The following DUS2 variants were observed in gnomAD, a reference collection of about 807,000 sequenced individuals.
The protein encoded by DUS2 is dihydrouridine synthase 2.
DUS2 carries 52 observed loss-of-function variants against 71.3 expected under a neutral mutation model. The observed-to-expected ratio is 0.73, with a 90% CI of 0.58 to 0.92. The LOEUF (loss-of-function observed/expected upper bound fraction) is 0.92. Among genes scored for constraint, DUS2 ranks in the 40% least tolerant of loss-of-function variants. DUS2 has a pLI of 0.00. For missense variants in DUS2, 558 were observed against 622.6 expected (o/e 0.90, Z 1.10); for synonymous variants, 204 against 227.8 (o/e 0.90, Z 0.94).
chr16:68,050,166 C>T (rs1414082540), intron 4 of DUS2, among the ~76,000 whole-genome samples: 1 of 151,496 alleles, frequency 6.6e-6, no homozygotes, highest in Non-Finnish European at 1.5e-5. Context: ...GAGACGGAAT[C>T]TCCCTCTGTT....
intron 4 of DUS2, among the ~76,000 whole-genome samples, chr16:68,052,945 G>A (rs948047238): frequency 1.3e-5 from 2 of 149,498 alleles, no homozygotes; most frequent in African/African-American, 5.0e-5. Flanking sequence ...GCCCGGCTAT[G>A]TATGTACATT....
rs770817287 is a variant in DUS2, at chr16:68,076,636, G to C, written c.1087G>C (p.Ala363Pro). ...IKMAVKFDRR[A>P]YPAQITPKMC... ...TGCTTCCCTTCCTTTCCCCAGGAGA[G>C]CATACCCAGCCCAGATCACCCCTAA... is the stretch of plus-strand genomic sequence containing the variant. Residue 363 changes from alanine to proline, a missense_variant, in exon 15 of 17, where the codon GCA becomes CCA. Physicochemically the swap from Ala to Pro is conservative, Grantham distance 27 (BLOSUM62 -1). Transcript: ENST00000565263. 6.2e-7 allele frequency: 1 copy of C among 1,613,744 alleles called. No homozygotes were observed. Among genetic ancestry groups the C allele is most frequent in the South Asian group, 1.1e-5 (1 of 91,064 alleles).
At chr16:68,055,656 T>C (rs1378448562) in intron 6 of DUS2, among the ~76,000 whole-genome samples, 2 of 152,024 alleles carry the variant, frequency 1.3e-5, no homozygotes, top group East Asian at 3.9e-4. Flanking sequence ...AATGAAATAA[T>C]GCCTGTAAAT....
chr16:68,037,121 G>GT (rs1260673977), intron 2 of DUS2, among the ~76,000 whole-genome samples: 1 of 148,496 alleles, frequency 6.7e-6, no homozygotes, highest in Non-Finnish European at 1.5e-5. Flanking sequence ...AGGTATCTGA[G>GT]TAAAAAAAAA....
intron 4 of DUS2, among the ~76,000 whole-genome samples, chr16:68,051,001 C>T (rs548022907): frequency 6.6e-6 from 1 of 152,320 alleles, no homozygotes; most frequent in African/African-American, 2.4e-5. Flanking sequence ...TAAAAACCTT[C>T]TCATCTGTTT....
At chr16:68,071,201 T>C in intron 12 of DUS2, 93 bp downstream of exon 12, 1 of 1,379,532 alleles carries the variant, frequency 7.2e-7, no homozygotes, top group African/African-American at 1.4e-5. Flanking sequence ...CTGCCAGCTG[T>C]GCTTGCTGTT....
intron 8 of DUS2, among the ~76,000 whole-genome samples, chr16:68,061,843 A>G (rs1204728595): frequency 2.6e-5 from 4 of 152,138 alleles, no homozygotes; most frequent in Non-Finnish European, 4.4e-5. Flanking sequence ...AGCTGCCATC[A>G]TTGCCAATGA....
intron 5 of DUS2, 141 bp downstream of exon 5, chr16:68,053,796 T>G: frequency 1.3e-6 from 1 of 790,526 alleles, no homozygotes; most frequent in Non-Finnish European, 2.0e-6. Context: ...GCTTTAATGT[T>G]TTCCAAAGAG....
At chr16:68,028,892 G>A (rs1177381092) in intron 2 of DUS2, among the ~76,000 whole-genome samples, 2 of 152,124 alleles carry the variant, frequency 1.3e-5, no homozygotes, top group African/African-American at 4.8e-5. Flanking sequence ...CCAGAGCTCA[G>A]GATCTTAACT....
intron 13 of DUS2, 96 bp from the exon 14 acceptor site, chr16:68,075,259 A>G (rs1173741055): frequency 1.6e-6 from 2 of 1,246,852 alleles, no homozygotes; most frequent in Non-Finnish European, 2.2e-6. Flanking sequence ...TGTATGTGGT[A>G]GAGGAGTTTC....
intron 3 of DUS2, among the ~76,000 whole-genome samples, chr16:68,045,000 T>C (rs778797075): frequency 4.2e-4 from 63 of 151,356 alleles, no homozygotes; most frequent in Non-Finnish European, 8.4e-4. Flanking sequence ...ACCATGTTGG[T>C]CAGGCTGGTC....
chr16:68,037,935 G>A (rs943583606), intron 2 of DUS2, 71 bp from the exon 3 acceptor site: 2 of 1,477,800 alleles, frequency 1.4e-6, no homozygotes, highest in African/African-American at 1.4e-5. Context: ...AAGAAGGGAA[G>A]CCTGCTCTTG....
In DUS2 at chr16:68,066,329, C is replaced by G; in HGVS notation, c.430C>G (p.Leu144Val). 6.2e-7 allele frequency: 1 copy of G among 1,614,156 alleles called. No individual in the cohort carries two copies. Residue 144 changes from leucine (L) to valine (V), a missense_variant, in exon 9 of 17, where the codon CTT (leucine) becomes GTT (valine). Transcript: ENST00000565263. ...TTCCTTTCTGCAGATCCTCAGCACT[C>G]TTGTTAAAGGGACACGCAGACCTGT... ...PDKIEKILST[L>V]VKGTRRPVTC...
intron 13 of DUS2, 54 bp from the exon 14 acceptor site, chr16:68,075,301 C>A (rs1051183594): frequency 6.7e-7 from 1 of 1,492,736 alleles, no homozygotes; most frequent in Non-Finnish European, 9.0e-7. Flanking sequence ...CCTGCAGTAC[C>A]CTGGATGCTG....
intron 10 of DUS2, among the ~76,000 whole-genome samples, chr16:68,067,484 G>A (rs1481854777): frequency 1.3e-5 from 2 of 150,484 alleles, no homozygotes; most frequent in South Asian, 2.1e-4. Context: ...GTTTCACCAC[G>A]TTGGCCAGGC....
In DUS2 at chr16:68,064,639, C is replaced by A. The variant is rs561295543; in HGVS notation, c.418-1678C>A. ...TGTATTTCTTGATGAACCTGTCAGT[C>A]CCGCCCTTAAAATGTAAGTGCCTCT... On this transcript the variant is annotated intron_variant, in intron 8 of 16. Coordinates refer to ENST00000565263, the MANE Select transcript of DUS2 (RefSeq NM_017803.5). Among the ~76,000 whole-genome samples, 9 of 152,212 alleles carry A rather than the reference C, an allele frequency of 5.9e-5. No individual in the cohort carries two copies. The East Asian group carries it at 1.4e-3, about 23-fold the overall frequency.
In DUS2 at chr16:68,052,239, C is replaced by G. The variant is rs1403958387; in HGVS notation, c.173-1325C>G. On this transcript the variant is annotated intron_variant, in intron 4 of 16. Coordinates refer to ENST00000565263, the MANE Select transcript of DUS2 (RefSeq NM_017803.5). ...CCATTTTAAACAGTGAGATCACCAACAAAAAGCATAGACATGCAGAAATGT... is the reference window on the plus strand; with the variant it reads ...CCATTTTAAACAGTGAGATCACCAAGAAAAAGCATAGACATGCAGAAATGT... Among the ~76,000 whole-genome samples, 7 of 152,050 alleles carry G rather than the reference C, an allele frequency of 4.6e-5. 1 individual carries two copies. Among genetic ancestry groups the G allele is most frequent in the Non-Finnish European group, 7.4e-5 (5 of 68,020 alleles).
chr16:68,047,296 C>T (rs575760549), intron 3 of DUS2, among the ~76,000 whole-genome samples: 67 of 151,394 alleles, frequency 4.4e-4, no homozygotes, highest in Non-Finnish European at 7.8e-4. Flanking sequence ...CCTCGTGATC[C>T]ACCCGCCTCA....
At chr16:68,059,076 G>A (rs958814494) in intron 7 of DUS2, among the ~76,000 whole-genome samples, 1 of 152,136 alleles carries the variant, frequency 6.6e-6, no homozygotes, top group African/African-American at 2.4e-5. Context: ...AGCCAGGTAT[G>A]GTGGCAGACA....
Sources: allele counts gnomAD v4.1 joint callset (sites outside exome capture counted in the v4.1 genomes callset), GRCh38; gene constraint gnomAD v4.1.1; transcripts MANE v1.5; gene names NCBI Gene and HGNC (gene_info 2026-07-23, HGNC 2026-07-21).